Variants in NRDC observed in about 807,000 individuals in gnomAD.
NRDC encodes the protein nardilysin convertase, also known as nardilysin.
Under a neutral mutation model 147.1 loss-of-function variants are expected in NRDC, and 54 were observed. The ratio of observed to expected loss-of-function variants is 0.37; its 90% CI spans 0.29 to 0.46. The LOEUF is 0.46. Among genes scored for constraint, NRDC ranks in the 20% least tolerant of loss-of-function variants. The pLI is 1.00. For missense variants in NRDC, 1,082 were observed against 1,370.6 expected, an observed-to-expected ratio of 0.79 and a Z score of 3.33; for synonymous variants, 440 against 482.1, an observed-to-expected ratio of 0.91 and a Z score of 1.14.
At position 51,878,419 on chromosome 1, in the gene NRDC, T is replaced by A. The variant is rs1392780442; in HGVS notation, c.197A>T (p.Gln66Leu). The A allele has an allele frequency of 6.2e-7, 1 of 1,614,158 alleles. No individual in the cohort carries two copies. The highest frequency in any genetic ancestry group is 1.1e-5 in the South Asian group (1 of 91,082). The change falls in exon 1 of 31, where the codon CAG (glutamine) becomes CTG (leucine). Residue 66 changes from glutamine to leucine, a missense_variant. Physicochemically the swap from Gln to Leu is moderately radical, Grantham distance 113. Around this residue, in one of 3 missense-constraint regions of NRDC, gnomAD observed 260 missense variants for 253.2 expected, o/e 1.03. Coordinates refer to ENST00000352171, the MANE Select transcript of NRDC (RefSeq NM_001101662.2). Reference protein sequence around the residue: ...AKSTCSCPDLQPNGQDLGENS... With the variant: ...AKSTCSCPDLLPNGQDLGENS... ...CTCGCCCAGATCCTGTCCATTGGGC[T>A]GCAGGTCAGGGCAGCTGCAGGTAGA...
rs1172318631 is a variant in NRDC at position 51,844,326 on chromosome 1, A to G, written c.342-3812T>C. Among the ~76,000 whole-genome samples, 3 of 152,112 alleles carry G rather than the reference A, an allele frequency of 2.0e-5. No homozygotes were observed. The South Asian group carries it at 6.2e-4, about 32-fold the overall frequency. On this transcript the variant is annotated intron_variant, in intron 1 of 30. Transcript: ENST00000352171. ...GGGCCTTTAAAGAGGTAATTAAGCT[A>G]AACATCAGGCCTCTAAAGTAGGTCT... is the stretch of plus-strand genomic sequence containing the variant.
intron 2 of NRDC, 56 bp from the exon 3 acceptor site, chr1:51,836,268 C>T (rs1040239076): frequency 4.4e-6 from 7 of 1,583,420 alleles, no homozygotes; most frequent in African/African-American, 1.3e-5. Context: ...GAATAATATT[C>T]GCATCTTATC....
chr1:51,875,152 T>C (rs1485328900), intron 1 of NRDC, among the ~76,000 whole-genome samples: 2 of 152,200 alleles, frequency 1.3e-5, no homozygotes, highest in Admixed American at 6.5e-5. Context: ...CAAAAATTCA[T>C]AGAATTGAAT....
At position 51,878,430 on chromosome 1, in the gene NRDC, G is replaced by A; in HGVS notation, c.186C>T (p.Cys62=). The part of the protein sequence containing the change: ...GRNKAKSTCS[C]PDLQPNGQDL... ...CCTGTCCATTGGGCTGCAGGTCAGG[G>A]CAGCTGCAGGTAGACTTCGCCTTGT... Residue 62 remains cysteine (C), a synonymous_variant, in exon 1 of 31, where the codon TGC becomes TGT. Transcript: ENST00000352171. 1 of 1,614,116 alleles carries A rather than the reference G, an allele frequency of 6.2e-7. No individual in the cohort carries two copies. The highest frequency in any genetic ancestry group is 1.1e-5 in the South Asian group (1 of 91,082).
At chr1:51,824,392 G>A (rs1054286465) in intron 6 of NRDC, among the ~76,000 whole-genome samples, 1 of 152,018 alleles carries the variant, frequency 6.6e-6, no homozygotes, top group Non-Finnish European at 1.5e-5. Flanking sequence ...CCAAAGTGCT[G>A]GGATTACAGG....
intron 25 of NRDC, 139 bp downstream of exon 25, chr1:51,792,238 G>A (rs1212105244): frequency 9.0e-6 from 12 of 1,329,732 alleles, no homozygotes; most frequent in South Asian, 1.2e-5. Context: ...CTTATACTGG[G>A]TGAGAACAGT....
chr1:51,790,668 A>C lies in NRDC; in HGVS notation c.3052-19T>G. Reference sequence around the variant, plus strand: ...CTGTGACCTGTTCCCACCAAAAAGAAAGATGCTCAGGTGAGGCAACATACC... The same window carrying C: ...CTGTGACCTGTTCCCACCAAAAAGACAGATGCTCAGGTGAGGCAACATACC... On this transcript the variant is annotated intron_variant, in intron 28 of 30. Transcript: ENST00000352171. 1 of 1,559,004 alleles carries C rather than the reference A, an allele frequency of 6.4e-7. No individual in the cohort carries two copies. Among genetic ancestry groups the C allele is most frequent in the Non-Finnish European group, 8.8e-7 (1 of 1,130,042 alleles).
chr1:51,799,083 A>T (rs1203723431), intron 21 of NRDC: 3 of 152,234 alleles, frequency 2.0e-5, no homozygotes, highest in Non-Finnish European at 4.4e-5. Flanking sequence ...TCAGGAGTTG[A>T]ATTTTAATAA....
At chr1:51,876,862 G>C (rs927462703) in intron 1 of NRDC, among the ~76,000 whole-genome samples, 1 of 152,214 alleles carries the variant, frequency 6.6e-6, no homozygotes, top group Non-Finnish European at 1.5e-5. Context: ...GAATCCTTCA[G>C]CTTTCAATTC....
chr1:51,867,820 A>G (rs1682889120), intron 1 of NRDC, among the ~76,000 whole-genome samples: 1 of 152,232 alleles, frequency 6.6e-6, no homozygotes, highest in African/African-American at 2.4e-5. Context: ...ACAAACTGCA[A>G]GTACAGATAA....
intron 20 of NRDC, chr1:51,800,945 A>C (rs1679166299): frequency 6.7e-6 from 2 of 300,380 alleles, no homozygotes; most frequent in Middle Eastern, 1.8e-3. Context: ...CCTAGGCTCT[A>C]GCCATACTCC....
chr1:51,790,756 A>G (rs754164873), intron 28 of NRDC, 107 bp from the exon 29 acceptor site: 7 of 976,206 alleles, frequency 7.2e-6, no homozygotes, highest in Admixed American at 1.9e-5. Context: ...CCAGTATAAG[A>G]GGCACGGATG....
intron 21 of NRDC, among the ~76,000 whole-genome samples, chr1:51,799,395 G>A (rs1409971938): frequency 6.6e-6 from 1 of 150,810 alleles, no homozygotes; most frequent in Non-Finnish European, 1.5e-5. Flanking sequence ...CCCTCCCTGT[G>A]TCCATGTCCT....
At chr1:51,845,185 C>G (rs773729648) in intron 1 of NRDC, among the ~76,000 whole-genome samples, 3 of 152,184 alleles carry the variant, frequency 2.0e-5, no homozygotes, top group Non-Finnish European at 4.4e-5. Flanking sequence ...TAAACACTGC[C>G]AACAGACTCT....
chr1:51,803,292 C>T (rs998592943), intron 20 of NRDC, among the ~76,000 whole-genome samples: 9 of 151,906 alleles, frequency 5.9e-5, no homozygotes, highest in African/African-American at 1.7e-4. Context: ...CTGGCCAACA[C>T]GGAGAAACCC....
At chr1:51,837,379 C>A in intron 2 of NRDC, 1 of 1,089,766 alleles carries the variant, frequency 9.2e-7, no homozygotes, top group Non-Finnish European at 1.2e-6. Flanking sequence ...ATACTATAAA[C>A]CCCATTTTGA....
At chr1:51,852,493 GTA>G (rs955104201) in intron 1 of NRDC, among the ~76,000 whole-genome samples, 7 of 830 alleles carry the variant, frequency 8.4e-3, no homozygotes, top group Admixed American at 0.057. Flanking sequence ...TATATAACAT[GTA>G]TATGAGGCCT....
intron 1 of NRDC, chr1:51,877,833 T>A (rs1256506207): frequency 5.3e-6 from 1 of 188,324 alleles, no homozygotes; most frequent in African/African-American, 2.4e-5. Context: ...CATCCTCTGG[T>A]AACTTTCGTC....
chr1:51,865,871 G>A (rs1177180777), intron 1 of NRDC, among the ~76,000 whole-genome samples: 2 of 150,798 alleles, frequency 1.3e-5, no homozygotes, highest in South Asian at 2.1e-4. Context: ...CCAACATGGT[G>A]AGACCCCATC....
Sources: gnomAD v4.1 joint callset for allele counts (sites outside exome capture counted in the v4.1 genomes callset) on GRCh38, gnomAD v4.1.1 for gene constraint, gnomAD v4.1.1 regional missense constraint, MANE v1.5 for transcripts, NCBI Gene and HGNC (gene_info 2026-07-23, HGNC 2026-07-21) for gene names.